The following SPTBN1 variants were observed in gnomAD, a reference collection of about 807,000 sequenced individuals.
SPTBN1 encodes the protein spectrin beta chain, non-erythrocytic 1.
A neutral mutation model predicts 266.4 loss-of-function variants in SPTBN1; 32 were observed. The ratio of observed to expected loss-of-function variants is 0.12; its 90% CI spans 0.09 to 0.16. The LOEUF (loss-of-function observed/expected upper bound fraction) is 0.16, where lower values mean the gene tolerates loss of function less well. Ranked by LOEUF, SPTBN1 falls within the 10% of genes least tolerant of loss-of-function variation. The pLI is 1.00. For synonymous variants in SPTBN1, 1,336 were observed against 1,162.2 expected (o/e 1.15, Z -3.04); for missense variants, 2,296 against 3,067.1 (o/e 0.75, Z 5.94).
intron 2 of SPTBN1, among the ~76,000 whole-genome samples, chr2:54,531,192 T>C (rs774190082): frequency 1.3e-5 from 2 of 152,224 alleles, no homozygotes; most frequent in African/African-American, 4.8e-5. Context: ...GAGGGGGTTC[T>C]TGGGAACCCC....
chr2:54,498,746 A>T (rs1290950298), intron 1 of SPTBN1, among the ~76,000 whole-genome samples: 1 of 152,136 alleles, frequency 6.6e-6, no homozygotes, highest in Admixed American at 6.5e-5. Context: ...CCCCTTAAAT[A>T]TTGGGGAAAG....
At chr2:54,599,065 G>GT (rs753335425) in intron 2 of SPTBN1, 27 bp from the exon 3 acceptor site, 29 of 1,611,584 alleles carry the variant, frequency 1.8e-5, no homozygotes, top group Non-Finnish European at 1.6e-5. Context: ...GTGGTCAATG[G>GT]TAAAACAAGT....
chr2:54,662,162 G>T lies in SPTBN1; in HGVS notation c.6420+2163G>T, dbSNP rs573431885. ...ACTAATCGCTAAAGAGAAGCAACGTGGGGGGTGGGGTTGCGAGGGATGTGT... is the reference window on the plus strand; with the variant it reads ...ACTAATCGCTAAAGAGAAGCAACGTTGGGGGTGGGGTTGCGAGGGATGTGT... On this transcript the variant is annotated intron_variant, in intron 32 of 35. Coordinates refer to ENST00000356805, the MANE Select transcript of SPTBN1 (RefSeq NM_003128.3). 1.5e-5 allele frequency: 15 copies of T among 985,334 alleles called. No individual in the cohort carries two copies. The African/African-American group carries it at 2.3e-4, about 15-fold the overall frequency. 61.0% of individuals were successfully genotyped at this position (985,334 alleles called of 1,614,324 possible).
chr2:54,651,530 A>G (rs1203125850), intron 26 of SPTBN1, among the ~76,000 whole-genome samples: 1 of 152,194 alleles, frequency 6.6e-6, no homozygotes, highest in Non-Finnish European at 1.5e-5. Flanking sequence ...TTTTGTGCCA[A>G]CTTGAAGTGC....
intron 19 of SPTBN1, 98 bp from the exon 20 acceptor site, chr2:54,644,225 T>G: frequency 6.8e-7 from 1 of 1,467,604 alleles, no homozygotes. Context: ...GAGTGAATGG[T>G]TAAATCACAG....
In SPTBN1 at chr2:54,494,917, T is replaced by A. The variant is rs527300104; in HGVS notation, c.-47-31455T>A. ...ATACCTGAATAAAGCTGTTTTTTTT[T>A]AAAAAAAAAAAAATGTCCTGAAAAA... On this transcript the variant is annotated intron_variant, in intron 1 of 35. Transcript: ENST00000356805. Among the ~76,000 whole-genome samples the A allele has an allele frequency of 6.7e-3, 943 of 139,866 alleles. 5 individuals are homozygous for A. Among genetic ancestry groups the A allele is most frequent in the Middle Eastern group, 0.019 (5 of 266 alleles). 91.8% of individuals were successfully genotyped at this position (139,866 alleles called of 152,430 possible). A position where few individuals can be genotyped will look rare whatever the true frequency, so the allele number is the denominator to read the frequency against.
chr2:54,612,356 T>G (rs375102184), intron 4 of SPTBN1, 22 bp downstream of exon 4: 1 of 1,594,766 alleles, frequency 6.3e-7, no homozygotes, highest in Non-Finnish European at 8.6e-7. Context: ...TGCCCAGGGT[T>G]GCTCAGAACT....
intron 1 of SPTBN1, among the ~76,000 whole-genome samples, chr2:54,478,336 T>G (rs1375888180): frequency 6.6e-6 from 1 of 152,132 alleles, no homozygotes; most frequent in Non-Finnish European, 1.5e-5. Flanking sequence ...GATTGTTTTT[T>G]TTCCTCACTC....
In SPTBN1 at chr2:54,558,269, C is replaced by G. The variant is rs868618728; in HGVS notation, c.148+31703C>G. 4.2e-5 allele frequency: 41 copies of G among 985,270 alleles called. No individual in the cohort carries two copies. The highest frequency in any genetic ancestry group is 4.7e-5 in the Non-Finnish European group (39 of 829,956). 61.0% of individuals were successfully genotyped at this position (985,270 alleles called of 1,614,324 possible). ...GGCTAGGCTCCCCCGCGCCCCTCCTCGTGGTATAGCCTGCATTTCTAATAC... is the reference window on the plus strand; with the variant it reads ...GGCTAGGCTCCCCCGCGCCCCTCCTGGTGGTATAGCCTGCATTTCTAATAC... On this transcript the variant is annotated intron_variant, in intron 2 of 35. Transcript: ENST00000356805. This position sits in a 1 kb window ranked among gnomAD's most constrained non-coding sequence, Gnocchi z 4.6.
chr2:54,509,729 A>G (rs978923819), intron 1 of SPTBN1, among the ~76,000 whole-genome samples: 14 of 152,210 alleles, frequency 9.2e-5, no homozygotes, highest in African/African-American at 2.9e-4. Context: ...TCAGGCTGCC[A>G]TAACAGAATG....
chr2:54,662,135 G>T, intron 32 of SPTBN1: 1 of 985,320 alleles, frequency 1.0e-6, no homozygotes, highest in African/African-American at 1.7e-5. Context: ...AAAGCACTCT[G>T]GACTAATCGC....
chr2:54,481,478 C>T (rs1668104138), intron 1 of SPTBN1, among the ~76,000 whole-genome samples: 1 of 151,036 alleles, frequency 6.6e-6, no homozygotes, highest in Non-Finnish European at 1.5e-5. Flanking sequence ...TTTCCAAACT[C>T]TGGATATGAT....
chr2:54,473,064 CTTT>C (rs1227933511), intron 1 of SPTBN1, among the ~76,000 whole-genome samples: 2 of 152,070 alleles, frequency 1.3e-5, no homozygotes, highest in Admixed American at 1.3e-4. Context: ...CTGAAAATGG[CTTT>C]GTTTCTTTTG....
chr2:54,557,277 A>G (rs1672937632), intron 2 of SPTBN1, among the ~76,000 whole-genome samples: 1 of 152,092 alleles, frequency 6.6e-6, no homozygotes, highest in Non-Finnish European at 1.5e-5. Flanking sequence ...TCTTTACTAC[A>G]TATTGGGATC....
intron 2 of SPTBN1, chr2:54,527,694 C>T (rs1670906976): frequency 1.3e-5 from 2 of 152,310 alleles, no homozygotes; most frequent in African/African-American, 4.8e-5. Context: ...GATGGCTGCC[C>T]CAGGTCCCTG....
chr2:54,491,640 A>T (rs1573261456), intron 1 of SPTBN1, among the ~76,000 whole-genome samples: 1 of 151,184 alleles, frequency 6.6e-6, no homozygotes, highest in East Asian at 2.0e-4. Flanking sequence ...CCCAGGCTGG[A>T]GTGCAGTGGT....
At chr2:54,603,390 C>A (rs1156908054) in intron 3 of SPTBN1, among the ~76,000 whole-genome samples, 1 of 152,178 alleles carries the variant, frequency 6.6e-6, no homozygotes, top group Non-Finnish European at 1.5e-5. Flanking sequence ...GAGTACTCTC[C>A]TACTCTTTTC....
At chr2:54,509,304 G>A (rs984365320) in intron 1 of SPTBN1, among the ~76,000 whole-genome samples, 1 of 152,200 alleles carries the variant, frequency 6.6e-6, no homozygotes, top group African/African-American at 2.4e-5. Flanking sequence ...TGAAGTCCGG[G>A]CCAGGAACAA....
chr2:54,650,016 C>A, intron 26 of SPTBN1, 27 bp downstream of exon 26: 1 of 1,577,554 alleles, frequency 6.3e-7, no homozygotes. Flanking sequence ...CCCAGGGGTG[C>A]TGGGGAGGCT....
Sources: gnomAD v4.1 joint callset for allele counts (sites outside exome capture counted in the v4.1 genomes callset) on GRCh38, gnomAD v4.1.1 for gene constraint, Gnocchi (gnomAD v3.1) non-coding constraint, MANE v1.5 for transcripts, NCBI Gene and HGNC (gene_info 2026-07-23, HGNC 2026-07-21) for gene names.